The following PPP4R2 variants were observed in gnomAD, a reference collection of about 807,000 sequenced individuals.
The protein encoded by PPP4R2 is protein phosphatase 4 regulatory subunit 2.
PPP4R2 carries 13 observed loss-of-function variants against 47.2 expected under a neutral mutation model. That is an observed-to-expected ratio of 0.28 (90% CI 0.18 to 0.44). The LOEUF (loss-of-function observed/expected upper bound fraction) is 0.44. Ranked by LOEUF, PPP4R2 falls within the 20% of genes least tolerant of loss-of-function variation. PPP4R2 has a pLI of 1.00. For synonymous variants in PPP4R2, 151 were observed against 163.3 expected, an observed-to-expected ratio of 0.92 and a Z score of 0.57; for missense variants, 421 against 491.2, an observed-to-expected ratio of 0.86 and a Z score of 1.35.
intron 2 of PPP4R2, chr3:73,015,716 C>T: frequency 2.8e-6 from 1 of 361,756 alleles, no homozygotes. Context: ...CGGCTCACTG[C>T]AAGCTCCACC....
intron 3 of PPP4R2, among the ~76,000 whole-genome samples, chr3:73,054,212 T>G (rs371577435): frequency 6.6e-6 from 1 of 152,174 alleles, no homozygotes; most frequent in East Asian, 1.9e-4. Context: ...GCCGCCGTGC[T>G]CAGCTAATTT....
intron 2 of PPP4R2, among the ~76,000 whole-genome samples, chr3:73,044,896 G>A (rs185862662): frequency 6.6e-6 from 1 of 152,112 alleles, no homozygotes; most frequent in Non-Finnish European, 1.5e-5. Context: ...CCCATTTCAC[G>A]ATTTGACTTT....
intron 2 of PPP4R2, among the ~76,000 whole-genome samples, chr3:73,018,187 C>A (rs145795959): frequency 1.1e-3 from 160 of 152,266 alleles, no homozygotes; most frequent in African/African-American, 3.7e-3. Flanking sequence ...TTGACCCTTA[C>A]ACAACACAGG....
chr3:73,004,292 G>A (rs1701548842), intron 2 of PPP4R2, among the ~76,000 whole-genome samples: 1 of 150,004 alleles, frequency 6.7e-6, no homozygotes, highest in South Asian at 2.1e-4. Context: ...CCTCCCGCCT[G>A]TGCCTCCCTA....
intron 3 of PPP4R2, among the ~76,000 whole-genome samples, chr3:73,053,986 G>T (rs1431782480): frequency 6.6e-6 from 1 of 151,890 alleles, no homozygotes; most frequent in Non-Finnish European, 1.5e-5. Flanking sequence ...CTTTTGGTGG[G>T]GACAGAGTGT....
chr3:73,060,333 G>A (rs1048137415), intron 4 of PPP4R2, among the ~76,000 whole-genome samples: 1 of 152,140 alleles, frequency 6.6e-6, no homozygotes, highest in African/African-American at 2.4e-5. Context: ...ATTACATTTT[G>A]GAGATTTTCA....
At chr3:73,044,820 G>A (rs1328901787) in intron 2 of PPP4R2, among the ~76,000 whole-genome samples, 3 of 152,140 alleles carry the variant, frequency 2.0e-5, no homozygotes, top group Non-Finnish European at 2.9e-5. Flanking sequence ...TTGTTAAGTT[G>A]TAGGTGTTCT....
Position 73,061,062 on chromosome 3 carries a change from TA to T in PPP4R2, c.419+4del. 1 of 1,478,226 alleles carries T rather than the reference TA, an allele frequency of 6.8e-7. No homozygotes were observed. The allele number at this position is 1,478,226 out of a possible 1,614,324, so 91.6% of individuals were successfully genotyped here. ...TAGCTGTGTTTATCCTTCTTCAGAG[TA>T]AGTATATTTTTTCTATTTCTAGTAT... is the stretch of plus-strand genomic sequence containing the variant. On this transcript the variant is annotated splice_donor_region_variant and intron_variant, in intron 5 of 8. Transcript: ENST00000356692.
At position 73,068,843 on chromosome 3, in the gene PPP4R2, A is replaced by G. The variant is rs1703053499; in HGVS notation, c.*3121A>G. The G allele has an allele frequency of 6.6e-6, 1 of 152,240 alleles. No homozygotes were observed. Among genetic ancestry groups the G allele is most frequent in the South Asian group, 2.1e-4 (1 of 4,836 alleles). The allele number at this position is 152,240 out of a possible 1,614,324, so 9.4% of individuals were successfully genotyped here. On this transcript the variant is annotated 3_prime_UTR_variant, in exon 9 of 9. Coordinates refer to ENST00000356692, the MANE Select transcript of PPP4R2 (RefSeq NM_174907.4). ...AAAAATGTAACATGGTAAGGATGAA[A>G]ATGCAACTTACAAAACCAAAGGAAT...
chr3:73,046,142 G>T (rs1702481975), intron 2 of PPP4R2, among the ~76,000 whole-genome samples: 1 of 152,184 alleles, frequency 6.6e-6, no homozygotes, highest in Non-Finnish European at 1.5e-5. Flanking sequence ...CTGCTGTCCT[G>T]ACTCTTGCTA....
intron 2 of PPP4R2, among the ~76,000 whole-genome samples, chr3:73,037,607 C>G (rs1030532946): frequency 3.3e-5 from 5 of 152,138 alleles, no homozygotes; most frequent in Non-Finnish European, 5.9e-5. Flanking sequence ...AAGCTAAAAC[C>G]CTTTGGCTCA....
intron 2 of PPP4R2, among the ~76,000 whole-genome samples, chr3:73,036,262 A>G (rs1702259775): frequency 6.6e-6 from 1 of 152,228 alleles, no homozygotes; most frequent in African/African-American, 2.4e-5. Context: ...GGGGGCCAGG[A>G]ATGAATAGAA....
chr3:72,997,380 C>T (rs1701371477), intron 1 of PPP4R2: 1 of 300,644 alleles, frequency 3.3e-6, no homozygotes, highest in Non-Finnish European at 6.2e-6. Flanking sequence ...ACCCCTCCCT[C>T]CCAGATATCC....
At chr3:73,055,367 A>C (rs928511825) in intron 3 of PPP4R2, among the ~76,000 whole-genome samples, 2 of 151,774 alleles carry the variant, frequency 1.3e-5, no homozygotes, top group African/African-American at 4.8e-5. Context: ...CATGAGACCC[A>C]TGAAGACTCA....
intron 3 of PPP4R2, among the ~76,000 whole-genome samples, chr3:73,055,433 TG>T (rs1702712735): frequency 6.7e-6 from 1 of 149,934 alleles, no homozygotes; most frequent in East Asian, 1.9e-4. Flanking sequence ...TGTGTGTGTG[TG>T]TGTGTGTGTG....
intron 2 of PPP4R2, among the ~76,000 whole-genome samples, chr3:73,033,413 C>CT (rs1413069260): frequency 2.0e-5 from 3 of 152,170 alleles, no homozygotes; most frequent in African/African-American, 7.2e-5. Flanking sequence ...TGCTGTGAGA[C>CT]TATTTGTCAA....
At chr3:73,007,708 C>T (rs1003548500) in intron 2 of PPP4R2, among the ~76,000 whole-genome samples, 1 of 152,056 alleles carries the variant, frequency 6.6e-6, no homozygotes, top group African/African-American at 2.4e-5. Context: ...AGGCTGGTCT[C>T]GAACTCTTGA....
chr3:73,055,455 T>TGTGTG (rs1702713501), intron 3 of PPP4R2, among the ~76,000 whole-genome samples: 1 of 145,566 alleles, frequency 6.9e-6, no homozygotes, highest in African/African-American at 2.5e-5. Flanking sequence ...TGTGTGTGTG[T>TGTGTG]ATTAAAATAT....
rs1702656935 is a variant in PPP4R2, at chr3:73,053,236, A to G, written c.288-5801A>G. On this transcript the variant is annotated intron_variant, in intron 3 of 8. Coordinates refer to ENST00000356692, the MANE Select transcript of PPP4R2 (RefSeq NM_174907.4). ...GCAGATTTCTGTCTCTCTCACATAC[A>G]CAAACCCACACCCACCCACCCCTAC... is the stretch of plus-strand genomic sequence containing the variant. Among the ~76,000 whole-genome samples the G allele has an allele frequency of 2.0e-5, 3 of 152,148 alleles. 1 individual carries two copies. The South Asian group carries it at 6.2e-4, about 32-fold the overall frequency.
Sources: allele counts gnomAD v4.1 joint callset (sites outside exome capture counted in the v4.1 genomes callset), GRCh38; gene constraint gnomAD v4.1.1; transcripts MANE v1.5; gene names NCBI Gene and HGNC (gene_info 2026-07-23, HGNC 2026-07-21).